Variants in IGF1R observed in about 807,000 individuals in gnomAD.
IGF1R encodes the protein insulin like growth factor 1 receptor.
A neutral mutation model predicts 144.6 loss-of-function variants in IGF1R; 44 were observed. That is an observed-to-expected ratio of 0.30 (90% CI 0.24 to 0.39). IGF1R has a LOEUF of 0.39. Ranked by LOEUF, IGF1R falls within the 10% of genes least tolerant of loss-of-function variation. The pLI, the probability that IGF1R is intolerant of heterozygous loss-of-function variation, is 1.00. For synonymous variants in IGF1R, 795 were observed against 722.8 expected (o/e 1.10, Z -1.60); for missense variants, 1,355 against 1,833.7 (o/e 0.74, Z 4.77).
At position 98,929,585 on chromosome 15, in the gene IGF1R, T is replaced by C. The variant is rs1596462912; in HGVS notation, c.2810T>C (p.Ile937Thr). The C allele has an allele frequency of 6.2e-7, 1 of 1,614,188 alleles. No homozygotes were observed. The change falls in exon 14 of 21, where the codon ATC (isoleucine) becomes ACC (threonine). Residue 937 changes from isoleucine (I) to threonine (T), a missense_variant. Physicochemically the swap from Ile to Thr is moderately conservative, Grantham distance 89. Around this residue, in one of 7 missense-constraint regions of IGF1R, gnomAD observed 880 missense variants for 1,202.7 expected, o/e 0.73. Coordinates refer to ENST00000650285, the MANE Select transcript of IGF1R (RefSeq NM_000875.5). Reference sequence around the variant, plus strand: ...GGATATGAAAACTTCATCCATCTGATCATCGCTCTGCCCGTCGCTGTCCTG... The same window carrying C: ...GGATATGAAAACTTCATCCATCTGACCATCGCTCTGCCCGTCGCTGTCCTG... The part of the protein sequence containing the change: ...KTGYENFIHL[I>T]IALPVAVLLI...
intron 20 of IGF1R, among the ~76,000 whole-genome samples, chr15:98,952,454 A>G (rs2016818304): frequency 6.6e-6 from 1 of 152,206 alleles, no homozygotes. Context: ...AAGAGGTCTG[A>G]TGACCACTGA....
chr15:98,708,177 CT>C, intron 2 of IGF1R, 70 bp downstream of exon 2: 1 of 1,340,108 alleles, frequency 7.5e-7, no homozygotes, highest in South Asian at 1.2e-5. Flanking sequence ...GACCTCCCTT[CT>C]CTTCTGAGTG....
At chr15:98,752,412 T>G (rs1291710723) in intron 2 of IGF1R, among the ~76,000 whole-genome samples, 3 of 152,066 alleles carry the variant, frequency 2.0e-5, no homozygotes, top group African/African-American at 7.2e-5. Flanking sequence ...GGCTGGGCAC[T>G]GTGGCTCCCG....
At chr15:98,915,012 G>C (rs994920924) in intron 8 of IGF1R, among the ~76,000 whole-genome samples, 4 of 152,158 alleles carry the variant, frequency 2.6e-5, no homozygotes, top group African/African-American at 7.2e-5. Flanking sequence ...GTATAACCTG[G>C]AGCACCCTCA....
chr15:98,802,944 C>A (rs897926898), intron 2 of IGF1R, among the ~76,000 whole-genome samples: 3 of 152,040 alleles, frequency 2.0e-5, no homozygotes, highest in Non-Finnish European at 4.4e-5. Context: ...TAGGTTGACA[C>A]CGAACTAATG....
intron 1 of IGF1R, among the ~76,000 whole-genome samples, chr15:98,690,615 A>G (rs568562687): frequency 2.6e-5 from 4 of 152,338 alleles, no homozygotes; most frequent in African/African-American, 7.2e-5. Context: ...TAAGTATACA[A>G]TTAATATGTG....
intron 2 of IGF1R, among the ~76,000 whole-genome samples, chr15:98,817,025 G>T (rs1207024742): frequency 6.6e-6 from 1 of 152,196 alleles, no homozygotes; most frequent in Non-Finnish European, 1.5e-5. Context: ...CTTCAATGCT[G>T]CGTGTGGTGG....
At position 98,963,312 on chromosome 15, in the gene IGF1R, T is replaced by TCC; in HGVS notation, c.*5875_*5876dup. 1 of 233,208 alleles carries TCC rather than the reference T, an allele frequency of 4.3e-6. No individual in the cohort carries two copies. The allele number at this position is 233,208 out of a possible 1,614,324, so 14.4% of individuals were successfully genotyped here. On this transcript the variant is annotated 3_prime_UTR_variant, in exon 21 of 21. Coordinates refer to ENST00000650285, the MANE Select transcript of IGF1R (RefSeq NM_000875.5). ...ACCCCATCCGTGGTTCACCCTCTTTTCCCCCCATGCTTTTTGCCCTAGTTT... is the reference window on the plus strand; with the variant it reads ...ACCCCATCCGTGGTTCACCCTCTTTTCCCCCCCCATGCTTTTTGCCCTAGTTT...
Position 98,899,599 on chromosome 15 carries a change from C to G in IGF1R, c.1225C>G (p.Leu409Val). 1 of 1,614,116 alleles carries G rather than the reference C, an allele frequency of 6.2e-7. No homozygotes were observed. Among genetic ancestry groups the G allele is most frequent in the Non-Finnish European group, 8.5e-7 (1 of 1,180,010 alleles). Residue 409 changes from leucine (L) to valine (V), a missense_variant, in exon 5 of 21, where the codon CTA becomes GTA. Leu to Val is a conservative substitution (Grantham distance 32). Transcript: ENST00000650285. ...CTTCCTAAAAAACCTTCGCCTCATC[C>G]TAGGAGAGGAGCAGCTAGAAGGGTA... ...LSFLKNLRLILGEEQLEGNYS... is the reference protein window; with the variant it reads ...LSFLKNLRLIVGEEQLEGNYS...
intron 2 of IGF1R, among the ~76,000 whole-genome samples, chr15:98,868,762 A>G (rs1463332497): frequency 1.3e-5 from 2 of 152,178 alleles, no homozygotes; most frequent in Non-Finnish European, 2.9e-5. Context: ...ATGAAATCTG[A>G]CAGCGTATGC....
chr15:98,678,517 GTTT>G (rs2053105100), intron 1 of IGF1R, among the ~76,000 whole-genome samples: 1 of 150,476 alleles, frequency 6.6e-6, no homozygotes, highest in Admixed American at 6.6e-5. Flanking sequence ...AAAAAGAATA[GTTT>G]TTGTTGTGTT....
intron 1 of IGF1R, among the ~76,000 whole-genome samples, chr15:98,687,799 G>A (rs1236121556): frequency 1.3e-5 from 2 of 152,216 alleles, no homozygotes; most frequent in Non-Finnish European, 2.9e-5. Context: ...TCTTAAAAGT[G>A]TCCAGCTGTA....
chr15:98,731,419 C>T (rs2054494002), intron 2 of IGF1R, among the ~76,000 whole-genome samples: 1 of 152,156 alleles, frequency 6.6e-6, no homozygotes, highest in Non-Finnish European at 1.5e-5. Context: ...GTTCCATTTT[C>T]CCCTCATATG....
chr15:98,749,067 G>C (rs908994374), intron 2 of IGF1R, among the ~76,000 whole-genome samples: 3 of 151,920 alleles, frequency 2.0e-5, no homozygotes, highest in African/African-American at 7.3e-5. Flanking sequence ...CGTTATTCAA[G>C]TTTTGTTGTT....
At chr15:98,799,242 T>A (rs1318681020) in intron 2 of IGF1R, among the ~76,000 whole-genome samples, 1 of 152,128 alleles carries the variant, frequency 6.6e-6, no homozygotes, top group Non-Finnish European at 1.5e-5. Flanking sequence ...TCAAACATGA[T>A]CATGGATATG....
intron 6 of IGF1R, 56 bp from the exon 7 acceptor site, chr15:98,911,259 G>C: frequency 6.2e-7 from 1 of 1,610,830 alleles, no homozygotes; most frequent in South Asian, 1.1e-5. Context: ...AGCAAGACAG[G>C]TGCTTTTCAG....
intron 2 of IGF1R, among the ~76,000 whole-genome samples, chr15:98,846,103 C>G (rs2011317177): frequency 6.6e-6 from 1 of 152,204 alleles, no homozygotes; most frequent in South Asian, 2.1e-4. Context: ...AGGAAAGACA[C>G]TTTTCTTTGA....
intron 2 of IGF1R, among the ~76,000 whole-genome samples, chr15:98,789,146 C>T (rs1017115701): frequency 1.3e-5 from 2 of 152,178 alleles, no homozygotes; most frequent in Admixed American, 6.5e-5. Flanking sequence ...TTAAACTTAA[C>T]TCAGATCGTG....
chr15:98,819,121 A>AG (rs1052836465), intron 2 of IGF1R, among the ~76,000 whole-genome samples: 24 of 152,020 alleles, frequency 1.6e-4, no homozygotes, highest in African/African-American at 2.7e-4. Context: ...TCAGACATCC[A>AG]GGGGGGGCAA....
Sources: gnomAD v4.1 joint callset for allele counts (sites outside exome capture counted in the v4.1 genomes callset) on GRCh38, gnomAD v4.1.1 for gene constraint, gnomAD v4.1.1 regional missense constraint, MANE v1.5 for transcripts, NCBI Gene and HGNC (gene_info 2026-07-23, HGNC 2026-07-21) for gene names.